GALK2: variants seen among roughly 807,000 people sequenced by gnomAD.
GALK2 encodes N-acetylgalactosamine kinase.
GALK2 carries 36 observed loss-of-function variants against 52.4 expected under a neutral mutation model. The ratio of observed to expected loss-of-function variants is 0.69; its 90% CI spans 0.53 to 0.91. The LOEUF is 0.91. GALK2 is among the 40% of genes least tolerant of loss of function. The probability of loss-of-function intolerance (pLI) is 0.00; values close to 1 mark genes in which losing one functional copy is unlikely to be tolerated. For synonymous variants in GALK2, 176 were observed against 199.1 expected (o/e 0.88, Z 0.98); for missense variants, 579 against 559.1 (o/e 1.04, Z -0.36).
At chr15:49,292,980 A>G (rs1233327799) in intron 8 of GALK2, among the ~76,000 whole-genome samples, 3 of 152,274 alleles carry the variant, frequency 2.0e-5, no homozygotes, top group Admixed American at 1.3e-4. Flanking sequence ...TCTGCTTTCA[A>G]TTAACTTTAT....
chr15:49,365,280 CTAAA>C (rs2044939811), intron 3 of GALK2: 2 of 1,478,568 alleles, frequency 1.4e-6, no homozygotes, highest in Non-Finnish European at 1.9e-6. Flanking sequence ...GTGCAAGTTA[CTAAA>C]TAGAGGAGAG....
intron 1 of GALK2, among the ~76,000 whole-genome samples, chr15:49,192,941 T>C (rs1313602608): frequency 6.6e-6 from 1 of 151,706 alleles, no homozygotes; most frequent in African/African-American, 2.4e-5. Context: ...TGGGCCACTG[T>C]GCCTGGCCTA....
At chr15:49,262,176 C>A (rs1194679456) in intron 5 of GALK2, among the ~76,000 whole-genome samples, 1 of 152,018 alleles carries the variant, frequency 6.6e-6, no homozygotes, top group African/African-American at 2.4e-5. Context: ...TGGTAGAATT[C>A]GGCTGTGAAT....
intron 7 of GALK2, among the ~76,000 whole-genome samples, chr15:49,287,242 T>G (rs1309381064): frequency 1.3e-5 from 2 of 152,210 alleles, no homozygotes; most frequent in African/African-American, 4.8e-5. Context: ...TTTGGCTTTT[T>G]GCTACACACT....
chr15:49,289,760 GCTT>G (rs1282739691), intron 7 of GALK2, among the ~76,000 whole-genome samples: 1 of 152,062 alleles, frequency 6.6e-6, no homozygotes, highest in Non-Finnish European at 1.5e-5. Context: ...CTCTCTTAAT[GCTT>G]CTTAGGATCA....
intron 3 of GALK2, among the ~76,000 whole-genome samples, chr15:49,229,576 T>A (rs520495): frequency 0.59 from 89,318 of 151,818 alleles, 26,425 homozygotes; most frequent in Middle Eastern, 0.66. Context: ...GGTAGATTGG[T>A]CACAGCCATT....
At chr15:49,183,633 CG>C (rs1183608275) in intron 1 of GALK2, among the ~76,000 whole-genome samples, 3 of 152,118 alleles carry the variant, frequency 2.0e-5, no homozygotes, top group African/African-American at 7.2e-5. Flanking sequence ...CACTTGAGGT[CG>C]GGAGTTTGAG....
intron 8 of GALK2, among the ~76,000 whole-genome samples, chr15:49,305,786 G>A (rs1251943965): frequency 2.0e-5 from 3 of 152,100 alleles, no homozygotes; most frequent in Non-Finnish European, 4.4e-5. Context: ...AAGGGGGGAA[G>A]GTTGCTTATG....
At position 49,331,686 on chromosome 15, in the gene GALK2, G is replaced by T; in HGVS notation, c.*3527G>T. On this transcript the variant is annotated 3_prime_UTR_variant, in exon 10 of 10. Transcript: ENST00000560031. ...ATCCTCTCCTGCCACTGTAATTTGG[G>T]TGTGCCACCATACATTGCTTATGAA... 1.3e-6 allele frequency: 1 copy of T among 755,076 alleles called. No individual in the cohort carries two copies. The allele number at this position is 755,076 out of a possible 1,614,324, so 46.8% of individuals were successfully genotyped here. A position where few individuals can be genotyped will look rare whatever the true frequency, so the allele number is the denominator to read the frequency against.
At chr15:49,206,202 G>C (rs1197500166) in intron 2 of GALK2, among the ~76,000 whole-genome samples, 1 of 151,666 alleles carries the variant, frequency 6.6e-6, no homozygotes, top group African/African-American at 2.4e-5. Context: ...GCTTAGTCTT[G>C]TTTTTGCTAT....
chr15:49,318,719 A>C (rs2036626075), intron 8 of GALK2, among the ~76,000 whole-genome samples: 1 of 152,208 alleles, frequency 6.6e-6, no homozygotes, highest in Middle Eastern at 3.2e-3. Context: ...TTATTTAAAA[A>C]ATTGCCACCA....
chr15:49,328,515 A>G lies in GALK2; in HGVS notation c.*356A>G. ...TAAATATATTGTTACAATTAAACTG[A>G]TACCACTGAATTGTATGCATTATTC... On this transcript the variant is annotated 3_prime_UTR_variant, in exon 10 of 10. Coordinates refer to ENST00000560031, the MANE Select transcript of GALK2 (RefSeq NM_002044.4). 6.3e-7 allele frequency: 1 copy of G among 1,597,384 alleles called. No individual in the cohort carries two copies.
At chr15:49,284,095 G>C (rs1158982248) in intron 7 of GALK2, among the ~76,000 whole-genome samples, 1 of 152,024 alleles carries the variant, frequency 6.6e-6, no homozygotes, top group Non-Finnish European at 1.5e-5. Context: ...TTTTTTTATT[G>C]GGTTATCATT....
chr15:49,194,387 T>C (rs1173387479), intron 1 of GALK2, among the ~76,000 whole-genome samples: 1 of 152,144 alleles, frequency 6.6e-6, no homozygotes, highest in Non-Finnish European at 1.5e-5. Flanking sequence ...ATATTAAATT[T>C]CTATTTGAAT....
In GALK2 at chr15:49,330,906, AC is replaced by A. The variant is rs1490359518; in HGVS notation, c.*2748del. 6.6e-6 allele frequency: 1 copy of A among 152,240 alleles called. No homozygotes were observed. Among genetic ancestry groups the A allele is most frequent in the Non-Finnish European group, 1.5e-5 (1 of 68,068 alleles). 9.4% of individuals were successfully genotyped at this position (152,240 alleles called of 1,614,324 possible). On this transcript the variant is annotated 3_prime_UTR_variant, in exon 10 of 10. Coordinates refer to ENST00000560031, the MANE Select transcript of GALK2 (RefSeq NM_002044.4). ...GACTTCAAAGCTACAGTGAGCCATG[AC>A]TGCAGCACTGCACTCCAGCCTGGGA...
downstream of GALK2, chr15:49,335,389 A>G (rs761173141): frequency 1.8e-5 from 26 of 1,426,426 alleles, no homozygotes; most frequent in Non-Finnish European, 2.5e-5. Flanking sequence ...GTATTATTTT[A>G]TATTTAACAA....
intron 9 of GALK2, among the ~76,000 whole-genome samples, chr15:49,325,481 C>A (rs2037321129): frequency 6.6e-6 from 1 of 152,220 alleles, no homozygotes; most frequent in Admixed American, 6.5e-5. Flanking sequence ...ACTTTTCTTT[C>A]TTAATTTAAA....
At chr15:49,312,506 T>A (rs2141917143) in intron 8 of GALK2, among the ~76,000 whole-genome samples, 1 of 152,300 alleles carries the variant, frequency 6.6e-6, no homozygotes, top group South Asian at 2.1e-4. Context: ...TTGGCTTCTC[T>A]GGTTTTGAGG....
intron 8 of GALK2, among the ~76,000 whole-genome samples, chr15:49,299,780 TTTC>T (rs2034925596): frequency 1.5e-5 from 2 of 135,646 alleles, no homozygotes; most frequent in South Asian, 2.3e-4. Context: ...TCTTTCTTTC[TTTC>T]TTTCTTTCTT....
Sources: allele counts gnomAD v4.1 joint callset (sites outside exome capture counted in the v4.1 genomes callset), GRCh38; gene constraint gnomAD v4.1.1; transcripts MANE v1.5; gene names NCBI Gene and HGNC (gene_info 2026-07-23, HGNC 2026-07-21).